PACRGL: variants seen among roughly 807,000 people sequenced by gnomAD.
The protein encoded by PACRGL is PACRG-like protein.
PACRGL carries 38 observed loss-of-function variants against 34.5 expected under a neutral mutation model. That is an observed-to-expected ratio of 1.10 (90% CI 0.85 to 1.44). The LOEUF (loss-of-function observed/expected upper bound fraction) is 1.44. PACRGL is among the 40% of genes most tolerant of loss of function. The pLI is 0.00. For synonymous variants in PACRGL, 128 were observed against 100.1 expected, an observed-to-expected ratio of 1.28 and a Z score of -1.66; for missense variants, 305 against 281.4, an observed-to-expected ratio of 1.08 and a Z score of -0.60.
the PACRGL span, among the ~76,000 whole-genome samples, chr4:20,764,553 T>C: frequency 6.6e-5 from 10 of 152,242 alleles, no homozygotes; most frequent in East Asian, 3.9e-4. Flanking sequence ...GTTTAAACCA[T>C]TGAAAGCTCT....
rs561794630 is a variant in PACRGL, at chr4:20,728,065, G to A, written c.*724G>A. On this transcript the variant is annotated 3_prime_UTR_variant, in exon 9 of 9. Transcript: ENST00000503585. ...GACTTCCAAAGTGCTGGGATTACAG[G>A]TGTGAGCCACCATGCCTGGCCCCAT... 3.0e-4 allele frequency: 46 copies of A among 152,378 alleles called. No individual in the cohort carries two copies. Among genetic ancestry groups the A allele is most frequent in the African/African-American group, 1.1e-3 (46 of 41,552 alleles). The allele number at this position is 152,378 out of a possible 1,614,324, so 9.4% of individuals were successfully genotyped here.
chr4:20,723,441 T>G (rs1237150153), intron 7 of PACRGL, among the ~76,000 whole-genome samples: 1 of 151,412 alleles, frequency 6.6e-6, no homozygotes, highest in Admixed American at 6.6e-5. Context: ...TTTTTTGTTT[T>G]TGTTTTTGCA....
At position 20,731,266 on chromosome 4, in the gene PACRGL, G is replaced by T. The variant is rs1300868614; in HGVS notation, c.*3925G>T. 2 of 373,202 alleles carry T rather than the reference G, an allele frequency of 5.4e-6. No homozygotes were observed. Among genetic ancestry groups the T allele is most frequent in the Non-Finnish European group, 7.4e-6 (2 of 270,794 alleles). The allele number at this position is 373,202 out of a possible 1,614,324, so 23.1% of individuals were successfully genotyped here. ...ATTTTTTTTTGTAGAGATAGATAGG[G>T]TCTTGCTATGTTGCCCACATTGGAC... On this transcript the variant is annotated 3_prime_UTR_variant, in exon 9 of 9. Coordinates refer to ENST00000503585, the MANE Select transcript of PACRGL (RefSeq NM_001258345.3).
chr4:20,751,297 T>C (rs1753574108), intron 8 of PACRGL, among the ~76,000 whole-genome samples: 1 of 152,128 alleles, frequency 6.6e-6, no homozygotes, highest in African/African-American at 2.4e-5. Flanking sequence ...TGGATATCCA[T>C]CCAGTATTGA....
Position 20,730,586 on chromosome 4 carries a change from G to A in PACRGL, c.*3245G>A, listed in dbSNP as rs1578401014. Among the ~76,000 whole-genome samples, 1 of 151,608 alleles carries A rather than the reference G, an allele frequency of 6.6e-6. No individual in the cohort carries two copies. The highest frequency in any genetic ancestry group is 2.1e-4 in the South Asian group (1 of 4,826). ...TTGGAGGCTGGCGCATAGGAGGCAG[G>A]GTGGTGGATTAAGAGGTAACATGTT... On this transcript the variant is annotated 3_prime_UTR_variant, in exon 9 of 9. Transcript: ENST00000503585.
chr4:20,766,033 TTAA>T, the PACRGL span, among the ~76,000 whole-genome samples: 52 of 152,332 alleles, frequency 3.4e-4, no homozygotes, highest in African/African-American at 1.3e-3. Flanking sequence ...TTTATAATTA[TTAA>T]TGTGATGATG....
chr4:20,746,583 T>C (rs1206724185), intron 8 of PACRGL, among the ~76,000 whole-genome samples: 4 of 152,100 alleles, frequency 2.6e-5, no homozygotes, highest in African/African-American at 9.7e-5. Flanking sequence ...ACTGAGCACA[T>C]ATTTGGTGCC....
chr4:20,727,139 C>T, intron 8 of PACRGL, 146 bp from the exon 9 acceptor site: 1 of 656,842 alleles, frequency 1.5e-6, no homozygotes. Flanking sequence ...TTTAACTCAG[C>T]AAAAAGTCCT....
chr4:20,758,387 C>G, the PACRGL span, among the ~76,000 whole-genome samples: 1 of 152,126 alleles, frequency 6.6e-6, no homozygotes, highest in Non-Finnish European at 1.5e-5. Flanking sequence ...GCCACTGAGT[C>G]AATATGTGGC....
chr4:20,747,936 A>G (rs1344632458), intron 8 of PACRGL, among the ~76,000 whole-genome samples: 1 of 152,016 alleles, frequency 6.6e-6, no homozygotes, highest in Admixed American at 6.6e-5. Flanking sequence ...TAAACATGAC[A>G]GTTCTGTTGG....
At chr4:20,766,448 C>T in the PACRGL span, among the ~76,000 whole-genome samples, 3 of 152,128 alleles carry the variant, frequency 2.0e-5, no homozygotes, top group African/African-American at 4.8e-5. Context: ...TGCCTATAAT[C>T]TGAACTACCC....
At chr4:20,703,913 C>A (rs1305819115) in intron 1 of PACRGL, among the ~76,000 whole-genome samples, 1 of 152,088 alleles carries the variant, frequency 6.6e-6, no homozygotes, top group Admixed American at 6.6e-5. Flanking sequence ...AGTCTGAGGA[C>A]CAGAAAACTG....
In PACRGL at chr4:20,709,783, C is replaced by G; in HGVS notation, c.366+10C>G. ...TATTACTTTAGCTGAGGTAAATATG[C>G]CATCTCTTGAATATTTATCAGAAAA... On this transcript the variant is annotated intron_variant, in intron 5 of 8. Coordinates refer to ENST00000503585, the MANE Select transcript of PACRGL (RefSeq NM_001258345.3). The G allele has an allele frequency of 6.4e-7, 1 of 1,553,690 alleles. No homozygotes were observed. Among genetic ancestry groups the G allele is most frequent in the Non-Finnish European group, 8.9e-7 (1 of 1,127,156 alleles).
At position 20,713,284 on chromosome 4, in the gene PACRGL, T is replaced by G. The variant is rs574972844; in HGVS notation, c.502-148T>G. ...CTGTGTTGAAGGTTATTTTTAAAAT[T>G]CTAGGTTTTGTTGACTATCTTCTGA... is the stretch of plus-strand genomic sequence containing the variant. On this transcript the variant is annotated intron_variant, in intron 6 of 8. Transcript: ENST00000503585. 9.9e-5 allele frequency: 63 copies of G among 636,054 alleles called. No homozygotes were observed. In the African/African-American group the frequency reaches 1.1e-3, roughly 11 times the overall value. The allele number at this position is 636,054 out of a possible 1,614,324, so 39.4% of individuals were successfully genotyped here.
At chr4:20,727,139 C>A (rs1746059020) in intron 8 of PACRGL, 146 bp from the exon 9 acceptor site, 5 of 656,722 alleles carry the variant, frequency 7.6e-6, no homozygotes, top group Non-Finnish European at 1.3e-5. Flanking sequence ...TTTAACTCAG[C>A]AAAAAGTCCT....
chr4:20,752,829 A>G (rs1419093646), exon 9 of PACRGL: 2 of 152,234 alleles, frequency 1.3e-5, no homozygotes, highest in African/African-American at 2.4e-5. Flanking sequence ...AACTGTCTAC[A>G]AAAGCATCTA....
chr4:20,734,575 T>G (rs1749127345), downstream of PACRGL: 3 of 860,748 alleles, frequency 3.5e-6, no homozygotes, highest in Non-Finnish European at 5.3e-6. Flanking sequence ...TATTTTAAAG[T>G]TAAGAAATGA....
upstream of PACRGL, among the ~76,000 whole-genome samples, chr4:20,698,628 C>A (rs1366426460): frequency 6.6e-6 from 1 of 152,122 alleles, no homozygotes; most frequent in Non-Finnish European, 1.5e-5. Context: ...GTTGCAATGC[C>A]AAGGAGCATG....
chr4:20,714,516 T>C (rs1738869510), intron 7 of PACRGL, among the ~76,000 whole-genome samples: 1 of 152,174 alleles, frequency 6.6e-6, no homozygotes, highest in African/African-American at 2.4e-5. Context: ...GTTAATATTA[T>C]GATGTGTGAA....
Sources: allele counts gnomAD v4.1 joint callset (sites outside exome capture counted in the v4.1 genomes callset), GRCh38; gene constraint gnomAD v4.1.1; transcripts MANE v1.5; gene names NCBI Gene and HGNC (gene_info 2026-07-23, HGNC 2026-07-21).